The following TSC2 variants were observed in gnomAD, a reference collection of about 807,000 sequenced individuals.
TSC2 encodes TSC complex subunit 2, also known as tuberin.
TSC2 carries 29 observed loss-of-function variants against 202.2 expected under a neutral mutation model. The observed-to-expected ratio is 0.14, with a 90% confidence interval of 0.11 to 0.20. The LOEUF (loss-of-function observed/expected upper bound fraction) is 0.20, where lower values mean the gene tolerates loss of function less well. Among genes scored for constraint, TSC2 ranks in the 10% least tolerant of loss-of-function variants. TSC2 has a pLI of 1.00. For missense variants in TSC2, 2,429 were observed against 2,420.0 expected (o/e 1.00, Z -0.08); for synonymous variants, 1,349 against 1,044.0 (o/e 1.29, Z -5.63).
chr16:2,064,883 G>T (rs2087106051), intron 15 of TSC2: 1 of 250,424 alleles, frequency 4.0e-6, no homozygotes, highest in African/African-American at 2.2e-5. Context: ...GGAGGCTGAG[G>T]CAGGTGGATT....
Position 2,062,556 on chromosome 16 carries a change from C to A in TSC2, c.1317C>A (p.Asp439Glu), listed in dbSNP as rs777457815. The change falls in exon 13 of 42, where the codon GAC (aspartate) becomes GAA (glutamate). Residue 439 changes from aspartate to glutamate, a missense_variant. Coordinates refer to ENST00000219476, the MANE Select transcript of TSC2 (RefSeq NM_000548.5). ...CGCAGTCCATCCACCCGGCCAAGGACGGCTGGATTCAGAACCTGCAGGCGC... is the reference window on the plus strand; with the variant it reads ...CGCAGTCCATCCACCCGGCCAAGGAAGGCTGGATTCAGAACCTGCAGGCGC... Reference protein sequence around the residue: ...YRAQSIHPAKDGWIQNLQALM... With the variant: ...YRAQSIHPAKEGWIQNLQALM... 1.1e-5 allele frequency: 18 copies of A among 1,612,188 alleles called. No homozygotes were observed. The highest frequency in any genetic ancestry group is 1.5e-5 in the Non-Finnish European group (18 of 1,179,168).
Position 2,048,699 on chromosome 16 carries a change from C to T in TSC2, c.84C>T (p.Pro28=), listed in dbSNP as rs2150972083. Residue 28 remains proline, a synonymous_variant, in exon 2 of 42, where the codon CCC becomes CCT. Transcript: ENST00000219476. ...LLGLGTPRPN[P]RSAEGKQTEF... ...GACTGGGAACACCGAGGCCAAATCC[C>T]AGGTCTGCAGAGGGTAAACAGACGG... 1 of 1,614,062 alleles carries T rather than the reference C, an allele frequency of 6.2e-7. No homozygotes were observed. Among genetic ancestry groups the T allele is most frequent in the South Asian group, 1.1e-5 (1 of 91,080 alleles).
At position 2,064,298 on chromosome 16, in the gene TSC2, C is replaced by G. The variant is rs753344988; in HGVS notation, c.1470C>G (p.Ile490Met). ...YEEELINSVV[I>M]SQLSHIPEDK... ...AGGAGCTGATTAACTCAGTGGTCAT[C>G]TCGCAGCTCTCCCACATCCCCGAGG... The change falls in exon 15 of 42, where the codon ATC becomes ATG. Residue 490 changes from isoleucine to methionine, a missense_variant. Ile to Met is a conservative substitution (Grantham distance 10, BLOSUM62 1). Transcript: ENST00000219476. 1.1e-5 allele frequency: 18 copies of G among 1,613,888 alleles called. No homozygotes were observed. Among genetic ancestry groups the G allele is most frequent in the Non-Finnish European group, 1.4e-5 (17 of 1,180,032 alleles).
rs751622894 is a variant in TSC2, at chr16:2,088,508, C to G, written c.5322C>G (p.Ser1774Arg). The G allele has an allele frequency of 1.1e-5, 18 of 1,612,824 alleles. No individual in the cohort carries two copies. Among genetic ancestry groups the G allele is most frequent in the Non-Finnish European group, 1.4e-5 (17 of 1,179,998 alleles). ...CTCTGGTGCACCCTCCGTCCCATAG[C>G]AAAGCCCCTGCACAGACTCCAGCCG... ...SLPLVHPPSH[S>R]KAPAQTPAEP... Residue 1774 changes from serine (S) to arginine (R), a missense_variant, in exon 42 of 42, where the codon AGC becomes AGG. Transcript: ENST00000219476.
rs1060500969 is a variant in TSC2, at chr16:2,084,631, G to T, written c.4409G>T (p.Arg1470Leu). The change falls in exon 34 of 42, where the codon CGC becomes CTC. Residue 1470 changes from arginine (R) to leucine (L), a missense_variant. Physicochemically the swap from Arg to Leu is moderately radical, Grantham distance 102 (BLOSUM62 -2). Transcript: ENST00000219476. ...ACCATCTCCGACTCGGCCCCATCAC[G>T]CAGGGGCAAGAGAGTAGAGAGGGAC... ...GYTISDSAPSRRGKRVERDAL... is the reference protein window; with the variant it reads ...GYTISDSAPSLRGKRVERDAL... 6.2e-7 allele frequency: 1 copy of T among 1,600,506 alleles called. No homozygotes were observed.
chr16:2,069,357 C>G (rs1008972484), intron 16 of TSC2, among the ~76,000 whole-genome samples: 5 of 152,160 alleles, frequency 3.3e-5, no homozygotes, highest in Non-Finnish European at 5.9e-5. Context: ...CGCTCTGTCG[C>G]CCCAGCTGGA....
rs1023095335 is a variant in TSC2 at position 2,062,610 on chromosome 16, C to T, written c.1361+10C>T. 1.0e-5 allele frequency: 16 copies of T among 1,597,500 alleles called. No homozygotes were observed. The highest frequency in any genetic ancestry group is 1.4e-5 in the Non-Finnish European group (16 of 1,171,420). ...TGGAGAGATTCTTCAGGTAGGGGGT[C>T]CTCTGTAGCCTTGCCTGGCACCTGG... is the stretch of plus-strand genomic sequence containing the variant. On this transcript the variant is annotated intron_variant, in intron 13 of 41. Transcript: ENST00000219476.
chr16:2,076,427 G>T, intron 24 of TSC2, 64 bp from the exon 25 acceptor site: 1 of 1,605,750 alleles, frequency 6.2e-7, no homozygotes, highest in Non-Finnish European at 8.5e-7. Flanking sequence ...CACCCGGCAG[G>T]CCTGGTGAGG....
At chr16:2,071,420 G>T (rs139857848) in intron 17 of TSC2, 90 bp from the exon 18 acceptor site, 489 of 1,355,016 alleles carry the variant, frequency 3.6e-4, no homozygotes, top group Non-Finnish European at 4.5e-4. Flanking sequence ...AGTGCCTGTG[G>T]TGCTGGACGT....
chr16:2,076,009 A>G (rs1596366225), intron 23 of TSC2, 59 bp from the exon 24 acceptor site: 2 of 1,613,160 alleles, frequency 1.2e-6, no homozygotes, highest in Non-Finnish European at 1.7e-6. Flanking sequence ...TTTGCACTTC[A>G]TGCCCTGGGG....
chr16:2,083,922 G>A (rs916990478), intron 33 of TSC2, 106 bp downstream of exon 33: 2 of 1,477,526 alleles, frequency 1.4e-6, no homozygotes, highest in African/African-American at 1.4e-5. Context: ...CTCTGAACTT[G>A]GGGGAGATGT....
chr16:2,053,226 T>A (rs1028063230), intron 3 of TSC2, 116 bp from the exon 4 acceptor site: 27 of 1,014,954 alleles, frequency 2.7e-5, no homozygotes, highest in Middle Eastern at 3.0e-4. Context: ...GGTGGGGCTC[T>A]CAGTCACAAG....
intron 16 of TSC2, among the ~76,000 whole-genome samples, chr16:2,068,993 G>A (rs1411123419): frequency 6.6e-6 from 1 of 152,146 alleles, no homozygotes. Flanking sequence ...GACTGAGGAG[G>A]AAGGAGAGGA....
chr16:2,065,500 C>A lies in TSC2; in HGVS notation c.1600-19C>A, dbSNP rs1397268426. 6.2e-7 allele frequency: 1 copy of A among 1,606,306 alleles called. No homozygotes were observed. Among genetic ancestry groups the A allele is most frequent in the African/African-American group, 1.3e-5 (1 of 74,574 alleles). On this transcript the variant is annotated intron_variant, in intron 15 of 41. Transcript: ENST00000219476. ...CAGAACCATGAGCCTGTGTGTAAGT[C>A]CTGGCCTTCTCTTCAAAGGTGATGG...
rs372576536 is a variant in TSC2 at position 2,086,591 on chromosome 16, G to T, written c.4850-141G>T. On this transcript the variant is annotated intron_variant, in intron 37 of 41. Coordinates refer to ENST00000219476, the MANE Select transcript of TSC2 (RefSeq NM_000548.5). ...CAAAGCCCTGCCCCTGGGGAGAGCC[G>T]AGGACCACTGGCCAGGCACCAGAGG... 4.0e-5 allele frequency: 58 copies of T among 1,436,420 alleles called. No individual in the cohort carries two copies. In the South Asian group the frequency reaches 5.9e-4, roughly 15 times the overall value. The allele number at this position is 1,436,420 out of a possible 1,614,324, so 89.0% of individuals were successfully genotyped here. A position where few individuals can be genotyped will look rare whatever the true frequency, so the allele number is the denominator to read the frequency against.
rs45517224 is a variant in TSC2 at position 2,072,905 on chromosome 16, A to T, written c.2277A>T (p.Arg759Ser). 2 of 1,613,652 alleles carry T rather than the reference A, an allele frequency of 1.2e-6. No homozygotes were observed. The highest frequency in any genetic ancestry group is 2.2e-5 in the South Asian group (2 of 91,086). The stretch of plus-strand genomic sequence containing the variant: ...GAGGCGCCCCAGAAGGCTTCTCCAG[A>T]ACTGACTTGCACCTGGCCGTGGTTC... ...RLRGAPEGFSRTDLHLAVVPV... is the reference protein window; with the variant it reads ...RLRGAPEGFSSTDLHLAVVPV... The change falls in exon 21 of 42, where the codon AGA (arginine) becomes AGT (serine). Residue 759 changes from arginine to serine, a missense_variant. Coordinates refer to ENST00000219476, the MANE Select transcript of TSC2 (RefSeq NM_000548.5).
At position 2,056,876 on chromosome 16, in the gene TSC2, A is replaced by G. The variant is rs903119699; in HGVS notation, c.774+107A>G. 5 of 1,558,022 alleles carry G rather than the reference A, an allele frequency of 3.2e-6. No individual in the cohort carries two copies. In the African/African-American group the frequency reaches 5.4e-5, roughly 17 times the overall value. On this transcript the variant is annotated intron_variant, in intron 8 of 41. Transcript: ENST00000219476. Reference sequence around the variant, plus strand: ...GTCTGATTCTTGGGGTGGCCAGACAATGGCCTGTTGAGGGACGGCCAGTGT... The same window carrying G: ...GTCTGATTCTTGGGGTGGCCAGACAGTGGCCTGTTGAGGGACGGCCAGTGT...
chr16:2,065,433 AAAAG>A (rs1255584582), intron 15 of TSC2, 82 bp from the exon 16 acceptor site: 15 of 864,746 alleles, frequency 1.7e-5, no homozygotes, highest in East Asian at 5.4e-5. Flanking sequence ...AAAAAAAAAA[AAAAG>A]GTGTTTGTGG....
Position 2,064,016 on chromosome 16 carries a change from T to C in TSC2, c.1444-256T>C, listed in dbSNP as rs2086970086. On this transcript the variant is annotated intron_variant, in intron 14 of 41. Coordinates refer to ENST00000219476, the MANE Select transcript of TSC2 (RefSeq NM_000548.5). ...CTCACCTCGGCTGCTCCTTGTGAGTTGTGGGCCCCGTGTCTGTGCCCGGCC... is the reference window on the plus strand; with the variant it reads ...CTCACCTCGGCTGCTCCTTGTGAGTCGTGGGCCCCGTGTCTGTGCCCGGCC... 12 of 562,688 alleles carry C rather than the reference T, an allele frequency of 2.1e-5. 1 individual carries two copies. In the South Asian group the frequency reaches 2.3e-4, roughly 11 times the overall value. The allele number at this position is 562,688 out of a possible 1,614,324, so 34.9% of individuals were successfully genotyped here.
Sources: gnomAD v4.1 joint callset for allele counts (sites outside exome capture counted in the v4.1 genomes callset) on GRCh38, gnomAD v4.1.1 for gene constraint, MANE v1.5 for transcripts, NCBI Gene and HGNC (gene_info 2026-07-23, HGNC 2026-07-21) for gene names.